Variants in CCDC180 observed in about 807,000 individuals in gnomAD.
The protein encoded by CCDC180 is coiled-coil domain containing 180.
A neutral mutation model predicts 209.2 loss-of-function variants in CCDC180; 154 were observed. The ratio of observed to expected loss-of-function variants is 0.74; its 90% CI spans 0.65 to 0.84. CCDC180 has a LOEUF of 0.84. Ranked by LOEUF, CCDC180 falls within the 40% of genes least tolerant of loss-of-function variation. The pLI is 0.00. For missense variants in CCDC180, 1,874 were observed against 1,997.3 expected, an observed-to-expected ratio of 0.94 and a Z score of 1.18; for synonymous variants, 778 against 749.1, an observed-to-expected ratio of 1.04 and a Z score of -0.63.
chr9:97,331,018 G>T (rs556614795), intron 18 of CCDC180, among the ~76,000 whole-genome samples: 1 of 151,952 alleles, frequency 6.6e-6, no homozygotes, highest in Non-Finnish European at 1.5e-5. Context: ...TTTTGTCAGC[G>T]GGCTAATAAG....
intron 16 of CCDC180, 30 bp from the exon 17 acceptor site, chr9:97,330,124 C>T: frequency 6.3e-7 from 1 of 1,590,412 alleles, no homozygotes. Flanking sequence ...CAGTGCAGGT[C>T]CTTCAGTGAC....
At position 97,350,553 on chromosome 9, in the gene CCDC180, C is replaced by A; in HGVS notation, c.3000C>A (p.Cys1000Ter). 1 of 1,536,380 alleles carries A rather than the reference C, an allele frequency of 6.5e-7. No homozygotes were observed. Among genetic ancestry groups the A allele is most frequent in the Non-Finnish European group, 8.7e-7 (1 of 1,146,952 alleles). ...RYSNIEFIKH[C>*]RLFSEGGNFS... is the part of the protein sequence containing the mutation. ...CAAATATTGAGTTCATCAAACACTG[C>A]AGGTGGGAGCCAGTGTCCAGGGCCT... is the stretch of plus-strand genomic sequence containing the variant. The change falls in exon 22 of 37, where the codon TGC becomes TGA. Residue 1000 changes from cysteine (C) to a stop codon, truncating the protein, a stop_gained and splice_region_variant. Coordinates refer to ENST00000529487, the MANE Select transcript of CCDC180 (RefSeq NM_020893.6). LOFTEE classifies it high-confidence loss of function.
chr9:97,319,452 A>G (rs1833285383), intron 10 of CCDC180, among the ~76,000 whole-genome samples: 1 of 152,158 alleles, frequency 6.6e-6, no homozygotes, highest in African/African-American at 2.4e-5. Flanking sequence ...AGCATAGTAC[A>G]AGATAGGTAG....
intron 16 of CCDC180, 145 bp from the exon 17 acceptor site, chr9:97,330,009 A>G: frequency 4.5e-6 from 3 of 665,490 alleles, no homozygotes; most frequent in South Asian, 1.9e-5. Flanking sequence ...CGGAGCTTGC[A>G]GCGAACCAAG....
In CCDC180 at chr9:97,366,816, C is replaced by T; in HGVS notation, c.4189+116C>T. 9.0e-7 allele frequency: 1 copy of T among 1,108,176 alleles called. No homozygotes were observed. The highest frequency in any genetic ancestry group is 1.2e-6 in the Non-Finnish European group (1 of 806,946). 68.6% of individuals were successfully genotyped at this position (1,108,176 alleles called of 1,614,324 possible). A position where few individuals can be genotyped will look rare whatever the true frequency, so the allele number is the denominator to read the frequency against. ...CCCTCTGGGGGAGGCAGAAGAGCTT[C>T]CCTGTGAAAAGCTGACCTCTTAAAA... On this transcript the variant is annotated intron_variant, in intron 31 of 36. Transcript: ENST00000529487. The surrounding 1 kb of genome is among the most constrained non-coding windows in gnomAD (Gnocchi z 4.3).
Position 97,345,019 on chromosome 9 carries a change from T to C in CCDC180, c.2498+1456T>C, listed in dbSNP as rs111607924. ...TTATGTTTATGAGACATATATATTA[T>C]TGAATGTGGCTAGGGTTCAGTTTTT... On this transcript the variant is annotated intron_variant, in intron 19 of 36. Coordinates refer to ENST00000529487, the MANE Select transcript of CCDC180 (RefSeq NM_020893.6). 8.6e-3 allele frequency among the ~76,000 whole-genome samples: 1,305 copies of C among 152,356 alleles called. 14 individuals carry two copies. The highest frequency in any genetic ancestry group is 0.029 in the African/African-American group (1,224 of 41,584).
chr9:97,314,442 T>C lies in CCDC180; in HGVS notation c.509T>C (p.Leu170Pro), dbSNP rs1215740852. Residue 170 changes from leucine to proline, a missense_variant, in exon 6 of 37, where the codon CTG becomes CCG. Coordinates refer to ENST00000529487, the MANE Select transcript of CCDC180 (RefSeq NM_020893.6). ...ACAGGGGGACTTTTTTTGAAGAAGC[T>C]GACTGAGTCTGATGAAGAAATGAAC... ...VDTGGLFLKKLTESDEEMNRL... is the reference protein window; with the variant it reads ...VDTGGLFLKKPTESDEEMNRL... 1 of 1,614,026 alleles carries C rather than the reference T, an allele frequency of 6.2e-7. No homozygotes were observed. Among genetic ancestry groups the C allele is most frequent in the African/African-American group, 1.3e-5 (1 of 74,932 alleles).
chr9:97,370,811 A>G (rs2306092), intron 33 of CCDC180, 33 bp downstream of exon 33: 342,146 of 1,608,994 alleles, frequency 0.21, 39,800 homozygotes, highest in East Asian at 0.43. Flanking sequence ...CAGTCCAGGC[A>G]TGCTCCAAAT....
Position 97,350,449 on chromosome 9 carries a change from A to C in CCDC180, c.2896A>C (p.Ser966Arg). 1 of 1,535,922 alleles carries C rather than the reference A, an allele frequency of 6.5e-7. No homozygotes were observed. The highest frequency in any genetic ancestry group is 1.7e-4 in the Middle Eastern group (1 of 5,802). ...CAACACACTGCACCAGGAGTTGCTT[A>C]GCTATGTTGATGTCACCCAGGTGTC... ...LSNTLHQELLSYVDVTQVSLR... is the reference protein window; with the variant it reads ...LSNTLHQELLRYVDVTQVSLR... The change falls in exon 22 of 37, where the codon AGC (serine) becomes CGC (arginine). Residue 966 changes from serine to arginine, a missense_variant. Transcript: ENST00000529487.
At chr9:97,364,427 C>A (rs905679275) in intron 29 of CCDC180, 1 of 345,038 alleles carries the variant, frequency 2.9e-6, no homozygotes, top group Admixed American at 5.2e-5. Flanking sequence ...TCAGTGCTTT[C>A]CCCCATTTCT....
intron 18 of CCDC180, among the ~76,000 whole-genome samples, chr9:97,340,628 A>G (rs983645041): frequency 6.6e-6 from 1 of 152,236 alleles, no homozygotes; most frequent in African/African-American, 2.4e-5. Context: ...AGTGACCAGA[A>G]GACAAGATTG....
intron 31 of CCDC180, 41 bp from the exon 32 acceptor site, chr9:97,369,881 A>C: frequency 6.2e-7 from 1 of 1,610,800 alleles, no homozygotes; most frequent in Non-Finnish European, 8.5e-7. Context: ...GTTGATTCTA[A>C]TCTGTTCCCT....
At chr9:97,329,257 A>G (rs1401535869) in intron 16 of CCDC180, among the ~76,000 whole-genome samples, 1 of 152,212 alleles carries the variant, frequency 6.6e-6, no homozygotes, top group African/African-American at 2.4e-5. Context: ...AGGTATAGGC[A>G]CCATTATGAT....
intron 34 of CCDC180, chr9:97,372,344 A>G (rs943690369): frequency 1.3e-5 from 2 of 152,246 alleles, no homozygotes. Flanking sequence ...GAGACTCTGC[A>G]GAGACTCTTG....
rs142701410 is a variant in CCDC180, at chr9:97,342,000, C to T, written c.2275-1340C>T. Among the ~76,000 whole-genome samples, 444 of 152,352 alleles carry T rather than the reference C, an allele frequency of 2.9e-3. 3 individuals carry two copies. Among genetic ancestry groups the T allele is most frequent in the Middle Eastern group, 6.8e-3 (2 of 294 alleles). Reference sequence around the variant, plus strand: ...CTGAGCCAGGTGCAGGATATAATCTCCTGGTGTGCCATTTGCCAAGACTTT... The same window carrying T: ...CTGAGCCAGGTGCAGGATATAATCTTCTGGTGTGCCATTTGCCAAGACTTT... On this transcript the variant is annotated intron_variant, in intron 18 of 36. Coordinates refer to ENST00000529487, the MANE Select transcript of CCDC180 (RefSeq NM_020893.6).
At chr9:97,372,837 C>G (rs1374130176) in intron 34 of CCDC180, 1 of 152,104 alleles carries the variant, frequency 6.6e-6, no homozygotes, top group Non-Finnish European at 1.5e-5. Context: ...TTGATCATAC[C>G]ACTGCACTCC....
intron 18 of CCDC180, among the ~76,000 whole-genome samples, chr9:97,337,021 G>A (rs558038218): frequency 9.7e-4 from 147 of 152,314 alleles, no homozygotes; most frequent in African/African-American, 3.4e-3. Flanking sequence ...TTTGTATCCT[G>A]AGACTTTGCT....
At chr9:97,339,922 T>C (rs1826025921) in intron 18 of CCDC180, among the ~76,000 whole-genome samples, 1 of 152,214 alleles carries the variant, frequency 6.6e-6, no homozygotes, top group East Asian at 1.9e-4. Context: ...CTTCAATCAC[T>C]GATACCCTTT....
chr9:97,338,232 T>A (rs554851064), intron 18 of CCDC180, among the ~76,000 whole-genome samples: 1 of 152,340 alleles, frequency 6.6e-6, no homozygotes, highest in East Asian at 1.9e-4. Flanking sequence ...CTTGCTTCTA[T>A]AGTTCTTTTA....
Sources: allele counts gnomAD v4.1 joint callset (sites outside exome capture counted in the v4.1 genomes callset), GRCh38; gene constraint gnomAD v4.1.1; non-coding constraint Gnocchi (gnomAD v3.1); transcripts MANE v1.5; gene names NCBI Gene and HGNC (gene_info 2026-07-23, HGNC 2026-07-21).